The following DDX60 variants were observed in gnomAD, a reference collection of about 807,000 sequenced individuals.
The protein encoded by DDX60 is probable ATP-dependent RNA helicase DDX60.
Under a neutral mutation model 212.8 loss-of-function variants are expected in DDX60, and 165 were observed. That is an observed-to-expected ratio of 0.78 (90% CI 0.68 to 0.88). The LOEUF is 0.88. Ranked by LOEUF, DDX60 falls within the 40% of genes least tolerant of loss-of-function variation. The probability of loss-of-function intolerance (pLI) is 0.00; values close to 1 mark genes in which losing one functional copy is unlikely to be tolerated. For missense variants in DDX60, 1,905 were observed against 2,003.9 expected (o/e 0.95, Z 0.94); for synonymous variants, 703 against 685.3 (o/e 1.03, Z -0.40).
At chr4:168,226,082 C>T (rs547787172) in intron 33 of DDX60, among the ~76,000 whole-genome samples, 8 of 152,142 alleles carry the variant, frequency 5.3e-5, no homozygotes, top group East Asian at 3.9e-4. Flanking sequence ...TTTTAAACCT[C>T]ACTGGATTCA....
intron 3 of DDX60, 50 bp downstream of exon 3, chr4:168,310,948 A>G (rs766506148): frequency 1.3e-5 from 14 of 1,118,098 alleles, no homozygotes; most frequent in African/African-American, 3.1e-5. Flanking sequence ...ATAGACATAC[A>G]GGGAACATGA....
intron 30 of DDX60, among the ~76,000 whole-genome samples, chr4:168,245,284 A>G (rs186560112): frequency 2.4e-4 from 36 of 152,348 alleles, no homozygotes; most frequent in African/African-American, 7.7e-4. Context: ...TAACTGCAAG[A>G]AAACAGAAAC....
intron 1 of DDX60, among the ~76,000 whole-genome samples, chr4:168,316,093 A>G (rs976914221): frequency 1.3e-5 from 2 of 152,250 alleles, no homozygotes; most frequent in South Asian, 4.1e-4. Flanking sequence ...TCAAGAATGA[A>G]GACAATCAAA....
intron 30 of DDX60, among the ~76,000 whole-genome samples, chr4:168,239,684 G>C (rs1435530656): frequency 3.9e-5 from 6 of 152,068 alleles, no homozygotes; most frequent in Admixed American, 3.9e-4. Context: ...CTTAGAAGGA[G>C]AAGAAACAGC....
At chr4:168,315,261 T>C (rs1180196223) in intron 1 of DDX60, among the ~76,000 whole-genome samples, 3 of 152,314 alleles carry the variant, frequency 2.0e-5, no homozygotes, top group South Asian at 2.1e-4. Flanking sequence ...ATAAGCAACA[T>C]TCCTGGATGT....
chr4:168,257,037 A>ACAGTTGG (rs1368672703), intron 25 of DDX60, among the ~76,000 whole-genome samples: 1 of 152,264 alleles, frequency 6.6e-6, no homozygotes, highest in Non-Finnish European at 1.5e-5. Flanking sequence ...CAAGTTATAC[A>ACAGTTGG]CAGTTGGCCG....
At position 168,283,477 on chromosome 4, in the gene DDX60, T is replaced by C. The variant is rs770170627; in HGVS notation, c.1691A>G (p.Asp564Gly). The C allele has an allele frequency of 3.8e-5, 62 of 1,613,352 alleles. No individual in the cohort carries two copies. The South Asian group carries it at 6.6e-4, about 17-fold the overall frequency. ...IVTQTIKSKK[D>G]FSGPKSKKAH... ...CTTTTTGCTCTTGGGCCCACTAAAA[T>C]CCTTCTTTGACTTAATAGTTTGAGT... is the stretch of plus-strand genomic sequence containing the variant. Residue 564 changes from aspartate (D) to glycine (G), a missense_variant, in exon 13 of 38, where the codon GAT (aspartate) becomes GGT (glycine). Asp to Gly is a moderately conservative substitution (Grantham distance 94). Transcript: ENST00000393743.
intron 37 of DDX60, among the ~76,000 whole-genome samples, chr4:168,219,127 C>CA (rs111466077): frequency 0.073 from 9,600 of 132,314 alleles, 382 homozygotes; most frequent in African/African-American, 0.12. Flanking sequence ...ACTAAAATAC[C>CA]AAAAAAAAAA....
chr4:168,227,442 T>C (rs1487709164), intron 33 of DDX60, among the ~76,000 whole-genome samples: 1 of 152,176 alleles, frequency 6.6e-6, no homozygotes, highest in East Asian at 1.9e-4. Context: ...ACTTGTGCTT[T>C]TACTCCCTTA....
At chr4:168,290,294 C>G in intron 8 of DDX60, among the ~76,000 whole-genome samples, 1 of 151,402 alleles carries the variant, frequency 6.6e-6, no homozygotes, top group Admixed American at 6.6e-5. Context: ...GGTCACTTCA[C>G]TTCTCTTCAT....
At chr4:168,313,975 A>C (rs1201105370) in intron 1 of DDX60, among the ~76,000 whole-genome samples, 1 of 152,222 alleles carries the variant, frequency 6.6e-6, no homozygotes, top group Non-Finnish European at 1.5e-5. Context: ...AACTGCGTTA[A>C]TGGGCAATCC....
In DDX60 at chr4:168,246,531, T is replaced by G. The variant is rs1734030094; in HGVS notation, c.4051A>C (p.Ile1351Leu). 6.2e-7 allele frequency: 1 copy of G among 1,613,986 alleles called. No individual in the cohort carries two copies. The highest frequency in any genetic ancestry group is 1.7e-5 in the Admixed American group (1 of 59,992). ...CTCAGCTCAGGAACATTGGATTTTATGAGTTTTCCTATTTTGGGGAATGGA... is the reference window on the plus strand; with the variant it reads ...CTCAGCTCAGGAACATTGGATTTTAGGAGTTTTCCTATTTTGGGGAATGGA... ...DIPFPKIGKLIKSNVPELRGH... is the reference protein window; with the variant it reads ...DIPFPKIGKLLKSNVPELRGH... The change falls in exon 30 of 38, where the codon ATA (isoleucine) becomes CTA (leucine). Residue 1351 changes from isoleucine (I) to leucine (L), a missense_variant. Coordinates refer to ENST00000393743, the MANE Select transcript of DDX60 (RefSeq NM_017631.6).
At chr4:168,297,295 G>A (rs546628638) in intron 6 of DDX60, among the ~76,000 whole-genome samples, 5 of 89,622 alleles carry the variant, frequency 5.6e-5, no homozygotes, top group African/African-American at 2.6e-4. Context: ...GAGAGAGAGA[G>A]ACGAAAGAAA....
intron 23 of DDX60, among the ~76,000 whole-genome samples, chr4:168,262,402 G>C (rs1239059917): frequency 6.6e-6 from 1 of 151,550 alleles, no homozygotes; most frequent in Admixed American, 6.6e-5. Context: ...ATGAATCTAA[G>C]GTGTAAGAAG....
At chr4:168,303,167 T>C (rs1252842805) in intron 5 of DDX60, among the ~76,000 whole-genome samples, 1 of 151,952 alleles carries the variant, frequency 6.6e-6, no homozygotes, top group Non-Finnish European at 1.5e-5. Flanking sequence ...CCGGGCATGG[T>C]GGCAGGTGCC....
In DDX60 at chr4:168,296,178, G is replaced by T. The variant is rs992976255; in HGVS notation, c.724-2233C>A. On this transcript the variant is annotated intron_variant, in intron 6 of 37. Coordinates refer to ENST00000393743, the MANE Select transcript of DDX60 (RefSeq NM_017631.6). The stretch of plus-strand genomic sequence containing the variant: ...CAATAAAAAATGATAGGTAAGCAAG[G>T]TGATGGATATGTTAATTAGCTCCAT... Among the ~76,000 whole-genome samples, 31 of 152,096 alleles carry T rather than the reference G, an allele frequency of 2.0e-4. 1 individual carries two copies. The highest frequency in any genetic ancestry group is 8.5e-4 in the Admixed American group (13 of 15,276).
chr4:168,268,334 G>A (rs1734939664), intron 20 of DDX60, among the ~76,000 whole-genome samples: 1 of 151,814 alleles, frequency 6.6e-6, no homozygotes, highest in Non-Finnish European at 1.5e-5. Context: ...AACAGTACTG[G>A]GCACATAGGA....
In DDX60 at chr4:168,217,036, G is replaced by A. The variant is rs1404711860; in HGVS notation, c.5040-4C>T. ...ACATAGCTCACGCAAGGAAACACTG[G>A]AAATGGGGAAAAAAATATAGGATCC... On this transcript the variant is annotated splice_region_variant and splice_polypyrimidine_tract_variant and intron_variant, in intron 37 of 37. Transcript: ENST00000393743. 2.5e-6 allele frequency: 4 copies of A among 1,588,806 alleles called. No homozygotes were observed. Among genetic ancestry groups the A allele is most frequent in the Admixed American group, 1.8e-5 (1 of 56,484 alleles).
chr4:168,271,476 C>G, intron 19 of DDX60, among the ~76,000 whole-genome samples: 1 of 152,210 alleles, frequency 6.6e-6, no homozygotes, highest in East Asian at 1.9e-4. Context: ...ATGGCCAACT[C>G]AATTGGAATC....
Sources: allele counts gnomAD v4.1 joint callset (sites outside exome capture counted in the v4.1 genomes callset), GRCh38; gene constraint gnomAD v4.1.1; transcripts MANE v1.5; gene names NCBI Gene and HGNC (gene_info 2026-07-23, HGNC 2026-07-21).